BCKDHB: variants seen among roughly 807,000 people sequenced by gnomAD.
The protein encoded by BCKDHB is 2-oxoisovalerate dehydrogenase subunit beta, mitochondrial.
In BCKDHB, 41 loss-of-function variants were observed where a neutral mutation model predicts 48.5. The observed-to-expected ratio is 0.85, with a 90% CI of 0.66 to 1.10. The LOEUF is 1.10. Ranked by LOEUF, BCKDHB falls within the 50% of genes least tolerant of loss-of-function variation. The pLI, the probability that BCKDHB is intolerant of heterozygous loss-of-function variation, is 0.00. For missense variants in BCKDHB, 496 were observed against 494.2 expected, an observed-to-expected ratio of 1.00 and a Z score of -0.03; for synonymous variants, 201 against 174.8, an observed-to-expected ratio of 1.15 and a Z score of -1.18.
At chr6:80,386,176 T>C in the BCKDHB span, among the ~76,000 whole-genome samples, 1 of 152,180 alleles carries the variant, frequency 6.6e-6, no homozygotes, top group Non-Finnish European at 1.5e-5. Context: ...CACCTGCACC[T>C]TTGAAAAGCC....
At chr6:80,436,312 C>T in the BCKDHB span, among the ~76,000 whole-genome samples, 5 of 151,664 alleles carry the variant, frequency 3.3e-5, no homozygotes, top group African/African-American at 1.2e-4. Context: ...GTGACCGCCA[C>T]CACACCTGGC....
chr6:80,115,923 G>T (rs1769678109), intron 1 of BCKDHB, among the ~76,000 whole-genome samples: 1 of 152,126 alleles, frequency 6.6e-6, no homozygotes, highest in East Asian at 1.9e-4. Flanking sequence ...GGAATATGAG[G>T]ATGTGCTGTA....
intron 9 of BCKDHB, among the ~76,000 whole-genome samples, chr6:80,289,198 A>G (rs567003321): frequency 9.8e-5 from 15 of 152,306 alleles, no homozygotes; most frequent in Non-Finnish European, 1.8e-4. Flanking sequence ...CATTTTAGAC[A>G]GTATGGTTGC....
chr6:80,108,649 CAA>C, intron 1 of BCKDHB, among the ~76,000 whole-genome samples: 1 of 151,654 alleles, frequency 6.6e-6, no homozygotes, highest in Middle Eastern at 3.5e-3. Context: ...ATCACCAGGT[CAA>C]GAGATCGAGA....
chr6:80,153,255 A>G (rs964725380), intron 3 of BCKDHB, among the ~76,000 whole-genome samples: 2 of 152,052 alleles, frequency 1.3e-5, no homozygotes, highest in Non-Finnish European at 2.9e-5. Flanking sequence ...CTTGGTGCCC[A>G]TTCATGGTCT....
the BCKDHB span, among the ~76,000 whole-genome samples, chr6:80,395,624 C>A: frequency 1.3e-5 from 2 of 152,204 alleles, no homozygotes; most frequent in South Asian, 4.1e-4. Flanking sequence ...GGAAAGAAAA[C>A]CCCATTTCTG....
chr6:80,366,461 A>T, the BCKDHB span, among the ~76,000 whole-genome samples: 1 of 152,216 alleles, frequency 6.6e-6, no homozygotes, highest in Admixed American at 6.5e-5. Flanking sequence ...AGAGAAAAAA[A>T]TCCAAAAGGA....
chr6:80,144,026 G>C (rs142249467), intron 3 of BCKDHB, among the ~76,000 whole-genome samples: 2 of 152,224 alleles, frequency 1.3e-5, no homozygotes, highest in Non-Finnish European at 2.9e-5. Context: ...CACAAACCTA[G>C]TAGTATATCC....
chr6:80,376,057 G>A, the BCKDHB span, among the ~76,000 whole-genome samples: 5 of 152,070 alleles, frequency 3.3e-5, no homozygotes, highest in African/African-American at 1.2e-4. Context: ...TGGTAGGCAG[G>A]GCCATAGAGC....
At chr6:80,218,810 A>G (rs1033092629) in intron 8 of BCKDHB, among the ~76,000 whole-genome samples, 4 of 152,224 alleles carry the variant, frequency 2.6e-5, no homozygotes, top group African/African-American at 9.7e-5. Flanking sequence ...GACTGAGAAC[A>G]TTACATTGTT....
At chr6:80,134,865 G>A (rs927904079) in intron 3 of BCKDHB, among the ~76,000 whole-genome samples, 2 of 152,078 alleles carry the variant, frequency 1.3e-5, no homozygotes, top group South Asian at 2.1e-4. Flanking sequence ...TGATTCTTGT[G>A]CCTCAGCCTC....
chr6:80,159,226 C>T (rs919363450), intron 3 of BCKDHB, among the ~76,000 whole-genome samples: 5 of 151,966 alleles, frequency 3.3e-5, no homozygotes, highest in Non-Finnish European at 5.9e-5. Flanking sequence ...ACCAGCATGG[C>T]ACATGTATAC....
intron 3 of BCKDHB, among the ~76,000 whole-genome samples, chr6:80,136,653 G>A (rs1770902102): frequency 6.6e-6 from 1 of 151,656 alleles, no homozygotes; most frequent in Non-Finnish European, 1.5e-5. Context: ...CTATTAACAG[G>A]GAAAAAAGGC....
intron 5 of BCKDHB, 52 bp downstream of exon 5, chr6:80,169,082 A>T: frequency 1.3e-6 from 2 of 1,584,480 alleles, no homozygotes; most frequent in Non-Finnish European, 8.6e-7. Context: ...TTCCATTTTG[A>T]TTCATTCTAT....
At chr6:80,240,937 CT>C (rs939337303) in intron 8 of BCKDHB, among the ~76,000 whole-genome samples, 1 of 152,146 alleles carries the variant, frequency 6.6e-6, no homozygotes, top group African/African-American at 2.4e-5. Flanking sequence ...TTCTTAGAGG[CT>C]TTTTTCGTTT....
chr6:80,317,662 A>C (rs1768518647), intron 9 of BCKDHB, among the ~76,000 whole-genome samples: 1 of 152,208 alleles, frequency 6.6e-6, no homozygotes, highest in African/African-American at 2.4e-5. Context: ...ATGTAAGGTA[A>C]CATATTCGTA....
chr6:80,387,686 C>T, the BCKDHB span, among the ~76,000 whole-genome samples: 1 of 152,256 alleles, frequency 6.6e-6, no homozygotes, highest in Non-Finnish European at 1.5e-5. Flanking sequence ...CCATTAGGCC[C>T]ACCAGAAGCA....
chr6:80,218,431 A>T (rs1014216568), intron 8 of BCKDHB, among the ~76,000 whole-genome samples: 1 of 152,210 alleles, frequency 6.6e-6, no homozygotes, highest in Non-Finnish European at 1.5e-5. Flanking sequence ...ACACACATGC[A>T]TATAGGTGTA....
chr6:80,386,600 G>T, the BCKDHB span, among the ~76,000 whole-genome samples: 1 of 152,162 alleles, frequency 6.6e-6, no homozygotes, highest in Non-Finnish European at 1.5e-5. Flanking sequence ...GAATCCTGAT[G>T]TGGCAGGGGC....
Sources: gnomAD v4.1 joint callset for allele counts (sites outside exome capture counted in the v4.1 genomes callset) on GRCh38, gnomAD v4.1.1 for gene constraint, MANE v1.5 for transcripts, NCBI Gene and HGNC (gene_info 2026-07-23, HGNC 2026-07-21) for gene names.